CACNA1I: variants seen among roughly 807,000 people sequenced by gnomAD.
The protein encoded by CACNA1I is calcium voltage-gated channel subunit alpha1 I, also known as voltage-dependent T-type calcium channel subunit alpha-1I.
CACNA1I carries 74 observed loss-of-function variants against 201.6 expected under a neutral mutation model. The ratio of observed to expected loss-of-function variants is 0.37; its 90% CI spans 0.30 to 0.45. The LOEUF (loss-of-function observed/expected upper bound fraction) is 0.45, where lower values mean the gene tolerates loss of function less well. CACNA1I is among the 20% of genes least tolerant of loss of function. The pLI is 1.00. For synonymous variants in CACNA1I, 1,431 were observed against 1,345.2 expected (o/e 1.06, Z -1.40); for missense variants, 2,346 against 3,138.1 (o/e 0.75, Z 6.03).
intron 29 of CACNA1I, among the ~76,000 whole-genome samples, chr22:39,675,261 G>A (rs116474263): frequency 4.6e-5 from 7 of 152,242 alleles, no homozygotes; most frequent in Non-Finnish European, 1.0e-4. Flanking sequence ...GTGTCAGATG[G>A]TTAAAGCTTA....
At chr22:39,623,906 G>C in intron 4 of CACNA1I, among the ~76,000 whole-genome samples, 1 of 141,900 alleles carries the variant, frequency 7.0e-6, no homozygotes, top group African/African-American at 2.6e-5. Flanking sequence ...GTGTGCGCCT[G>C]TGAGGGTGTA....
At position 39,661,878 on chromosome 22, in the gene CACNA1I, G is replaced by C. The variant is rs994839596; in HGVS notation, c.2902-87G>C. 3 of 840,150 alleles carry C rather than the reference G, an allele frequency of 3.6e-6. No homozygotes were observed. In the South Asian group the frequency reaches 5.6e-5, roughly 16 times the overall value. 52.0% of individuals were successfully genotyped at this position (840,150 alleles called of 1,614,324 possible). A position where few individuals can be genotyped will look rare whatever the true frequency, so the allele number is the denominator to read the frequency against. Reference sequence around the variant, plus strand: ...CCAGGTGGGTGGTCTTAGAGCCACAGCGGGGGTGCAGGCTGCCTTTGGGCA... The same window carrying C: ...CCAGGTGGGTGGTCTTAGAGCCACACCGGGGGTGCAGGCTGCCTTTGGGCA... On this transcript the variant is annotated intron_variant, in intron 16 of 36. Coordinates refer to ENST00000402142, the MANE Select transcript of CACNA1I (RefSeq NM_021096.4).
In CACNA1I at chr22:39,665,781, T is replaced by C. The variant is rs1002236817; in HGVS notation, c.3979-100T>C. On this transcript the variant is annotated intron_variant, in intron 22 of 36. Transcript: ENST00000402142. The surrounding 1 kb of genome is among the most constrained non-coding windows in gnomAD (Gnocchi z 5.5). ...GGAGACAGACATGGGCCCAGATGAC[T>C]GAGCACAAGACAGTCTGAGTAAACG... 1 of 1,565,408 alleles carries C rather than the reference T, an allele frequency of 6.4e-7. No homozygotes were observed. The highest frequency in any genetic ancestry group is 1.4e-5 in the African/African-American group (1 of 74,046).
rs752806605 is a variant in CACNA1I, at chr22:39,649,568, G to T, written c.1635G>T (p.Thr545=). 2 of 1,549,340 alleles carry T rather than the reference G, an allele frequency of 1.3e-6. No individual in the cohort carries two copies. Among genetic ancestry groups the T allele is most frequent in the Non-Finnish European group, 1.7e-6 (2 of 1,146,652 alleles). ...CCCTGGTGCAGCCCATCCCCGCCAC[G>T]CTGGCTTCCGATCCCGCCAGCTGCC... ...PHTLVQPIPA[T]LASDPASCPC... is the part of the protein sequence containing the mutation. Residue 545 remains threonine (T), a synonymous_variant, in exon 10 of 37, where the codon ACG becomes ACT. Transcript: ENST00000402142. The surrounding 1 kb of genome is among the most constrained non-coding windows in gnomAD (Gnocchi z 7.3).
At chr22:39,631,102 T>G (rs1356001420) in intron 4 of CACNA1I, among the ~76,000 whole-genome samples, 1 of 152,208 alleles carries the variant, frequency 6.6e-6, no homozygotes, top group Admixed American at 6.5e-5. Flanking sequence ...TCAGGGAATC[T>G]TCCGTCAGAG....
intron 26 of CACNA1I, among the ~76,000 whole-genome samples, chr22:39,671,200 C>T (rs1012463642): frequency 6.6e-6 from 1 of 152,108 alleles, no homozygotes; most frequent in Non-Finnish European, 1.5e-5. Context: ...GGATTTGGAC[C>T]GTGGCTTGCA....
chr22:39,666,866 C>A lies in CACNA1I; in HGVS notation c.4104+860C>A, dbSNP rs1161271740. ...TGTCAGGAACCAGGACAGTCACTACCCCTGCCCTCCTGGGGAAAAGATGTC... is the reference window on the plus strand; with the variant it reads ...TGTCAGGAACCAGGACAGTCACTACACCTGCCCTCCTGGGGAAAAGATGTC... On this transcript the variant is annotated intron_variant, in intron 23 of 36. Coordinates refer to ENST00000402142, the MANE Select transcript of CACNA1I (RefSeq NM_021096.4). This position sits in a 1 kb window ranked among gnomAD's most constrained non-coding sequence, Gnocchi z 4.1. Among the ~76,000 whole-genome samples the A allele has an allele frequency of 6.6e-6, 1 of 152,162 alleles. No individual in the cohort carries two copies. Among genetic ancestry groups the A allele is most frequent in the Non-Finnish European group, 1.5e-5 (1 of 68,016 alleles).
intron 3 of CACNA1I, among the ~76,000 whole-genome samples, chr22:39,607,899 G>GGA (rs1555903860): frequency 1.1e-4 from 16 of 151,562 alleles, no homozygotes; most frequent in Admixed American, 5.3e-4. Context: ...CCAAGGCGGG[G>GGA]GGGGGTCACC....
chr22:39,600,027 G>A lies in CACNA1I; in HGVS notation c.349-493G>A, dbSNP rs573821301. Among the ~76,000 whole-genome samples, 15 of 152,286 alleles carry A rather than the reference G, an allele frequency of 9.8e-5. No homozygotes were observed. The South Asian group carries it at 2.3e-3, about 23-fold the overall frequency. On this transcript the variant is annotated intron_variant, in intron 2 of 36. Coordinates refer to ENST00000402142, the MANE Select transcript of CACNA1I (RefSeq NM_021096.4). ...TGGGGGCTTTGGGGTGAGACCCACC[G>A]GAGTTTCAATCCTGGTTCTGCCACT...
intron 29 of CACNA1I, among the ~76,000 whole-genome samples, chr22:39,674,715 T>C (rs1935471473): frequency 6.6e-6 from 1 of 150,682 alleles, no homozygotes; most frequent in South Asian, 2.1e-4. Context: ...CCCCTCAGGG[T>C]GGCCTCTGCT....
chr22:39,673,854 C>T (rs536325272), intron 28 of CACNA1I, 109 bp from the exon 29 acceptor site: 9 of 971,912 alleles, frequency 9.3e-6, no homozygotes, highest in African/African-American at 4.8e-5. Flanking sequence ...TCTGCTTGCA[C>T]GTGCCTTCAT....
intron 4 of CACNA1I, among the ~76,000 whole-genome samples, chr22:39,624,455 C>T (rs1270913495): frequency 6.6e-6 from 1 of 152,196 alleles, no homozygotes; most frequent in Non-Finnish European, 1.5e-5. Flanking sequence ...CTAGTGGCCA[C>T]CGCTGGGCAG....
chr22:39,634,422 C>T, intron 4 of CACNA1I, 143 bp from the exon 5 acceptor site: 2 of 781,930 alleles, frequency 2.6e-6, no homozygotes, highest in Non-Finnish European at 4.4e-6. Context: ...TATCTGGCAG[C>T]CACTGAACAG....
intron 26 of CACNA1I, 58 bp downstream of exon 26, chr22:39,671,012 G>GA: frequency 6.5e-7 from 1 of 1,527,510 alleles, no homozygotes; most frequent in Non-Finnish European, 9.0e-7. Flanking sequence ...GGTCTCAGCA[G>GA]GACCCCACCC....
intron 10 of CACNA1I, chr22:39,656,857 A>G (rs898625922): frequency 4.1e-6 from 2 of 488,236 alleles, no homozygotes; most frequent in Non-Finnish European, 8.2e-6. Context: ...TTGGGCGTCA[A>G]ATCAGGTCTC....
rs1935208700 is a variant in CACNA1I at position 39,666,709 on chromosome 22, G to A, written c.4104+703G>A. ...CCCCAGGGCACACAGGGAGGAGCAG[G>A]CTCCAGGCCCTCGTCCCCCACTGGC... is the stretch of plus-strand genomic sequence containing the variant. On this transcript the variant is annotated intron_variant, in intron 23 of 36. Transcript: ENST00000402142. This position sits in a 1 kb window ranked among gnomAD's most constrained non-coding sequence, Gnocchi z 4.1. 6.6e-6 allele frequency among the ~76,000 whole-genome samples: 1 copy of A among 152,352 alleles called. No homozygotes were observed. The highest frequency in any genetic ancestry group is 2.4e-5 in the African/African-American group (1 of 41,586).
chr22:39,624,521 C>T (rs112049269), intron 4 of CACNA1I, among the ~76,000 whole-genome samples: 72 of 152,334 alleles, frequency 4.7e-4, no homozygotes, highest in African/African-American at 1.7e-3. Flanking sequence ...CAGAGGACAG[C>T]CTGGTTCTCT....
At position 39,686,069 on chromosome 22, in the gene CACNA1I, TGGCGCGGGCGGCGGG is replaced by T; in HGVS notation, c.6346_6360del (p.Gly2116_Gly2120del). 4.1e-6 allele frequency: 5 copies of T among 1,227,034 alleles called. No individual in the cohort carries two copies. The highest frequency in any genetic ancestry group is 3.7e-5 in the South Asian group (1 of 27,012). The allele number at this position is 1,227,034 out of a possible 1,614,324, so 76.0% of individuals were successfully genotyped here. A position where few individuals can be genotyped will look rare whatever the true frequency, so the allele number is the denominator to read the frequency against. On this transcript the variant is annotated inframe_deletion, in exon 37 of 37. Coordinates refer to ENST00000402142, the MANE Select transcript of CACNA1I (RefSeq NM_021096.4). Reference sequence around the variant, plus strand: ...ACCCCTCGGACGAGGAGGGCCGCGGTGGCGCGGGCGGCGGGGGCGCGGGCAGCGAGCACTCGGAGA... The same window carrying T: ...ACCCCTCGGACGAGGAGGGCCGCGGTGGCGCGGGCAGCGAGCACTCGGAGA...
chr22:39,641,234 C>CCCACCAGGCAGAG, intron 6 of CACNA1I, 52 bp downstream of exon 6: 1 of 1,493,976 alleles, frequency 6.7e-7, no homozygotes, highest in Non-Finnish European at 9.2e-7. Context: ...GGCAGCTCTG[C>CCCACCAGGCAGAG]CTGGTGGGCA....
Sources: gnomAD v4.1 joint callset for allele counts (sites outside exome capture counted in the v4.1 genomes callset) on GRCh38, gnomAD v4.1.1 for gene constraint, Gnocchi (gnomAD v3.1) non-coding constraint, MANE v1.5 for transcripts, NCBI Gene and HGNC (gene_info 2026-07-23, HGNC 2026-07-21) for gene names.